Variants in ADAMTS17 observed in about 807,000 individuals in gnomAD.
ADAMTS17 encodes the protein A disintegrin and metalloproteinase with thrombospondin motifs 17.
A neutral mutation model predicts 141.5 loss-of-function variants in ADAMTS17; 113 were observed. The observed-to-expected ratio is 0.80, with a 90% CI of 0.69 to 0.93. The LOEUF (loss-of-function observed/expected upper bound fraction) is 0.93. Among genes scored for constraint, ADAMTS17 ranks in the 40% least tolerant of loss-of-function variants. The probability of loss-of-function intolerance (pLI) is 0.00; values close to 1 mark genes in which losing one functional copy is unlikely to be tolerated. For missense variants in ADAMTS17, 1,659 were observed against 1,517.9 expected, an observed-to-expected ratio of 1.09 and a Z score of -1.54; for synonymous variants, 768 against 630.6, an observed-to-expected ratio of 1.22 and a Z score of -3.27.
chr15:100,146,470 T>C (rs895000651), intron 10 of ADAMTS17, among the ~76,000 whole-genome samples: 1 of 152,246 alleles, frequency 6.6e-6, no homozygotes, highest in Non-Finnish European at 1.5e-5. Flanking sequence ...TTTACTTTAA[T>C]CTCTTAATCC....
At chr15:100,148,189 G>T (rs1484429761) in intron 10 of ADAMTS17, among the ~76,000 whole-genome samples, 2 of 152,204 alleles carry the variant, frequency 1.3e-5, no homozygotes, top group Non-Finnish European at 2.9e-5. Context: ...ATTCATAGGT[G>T]CTGAGGATAG....
intron 17 of ADAMTS17, 88 bp downstream of exon 17, chr15:100,051,483 TC>T: frequency 6.4e-7 from 1 of 1,569,278 alleles, no homozygotes; most frequent in Non-Finnish European, 8.7e-7. Flanking sequence ...GTTGCAGATG[TC>T]TCACACTCTG....
At chr15:100,150,865 C>T (rs1333685343) in intron 10 of ADAMTS17, among the ~76,000 whole-genome samples, 1 of 152,158 alleles carries the variant, frequency 6.6e-6, no homozygotes, top group African/African-American at 2.4e-5. Context: ...GTATCCCAAC[C>T]ACACAATCTC....
intron 8 of ADAMTS17, among the ~76,000 whole-genome samples, chr15:100,198,076 G>T (rs762880838): frequency 6.6e-6 from 1 of 152,138 alleles, no homozygotes; most frequent in South Asian, 2.1e-4. Context: ...TAATGTAGGC[G>T]ACAGGTTGAT....
At position 100,132,144 on chromosome 15, in the gene ADAMTS17, G is replaced by A. The variant is rs754832406; in HGVS notation, c.1584C>T (p.Arg528=). ...GCGTCTTGCTCACGCACTCCCCCGC[G>A]CGGCACCACTGAAACACAGCGGGGA... ...GTECGADKWC[R]AGECVSKTPI... is the part of the protein sequence containing the mutation. The change falls in exon 12 of 22, where the codon CGC becomes CGT. Residue 528 remains arginine, a synonymous_variant. Coordinates refer to ENST00000268070, the MANE Select transcript of ADAMTS17 (RefSeq NM_139057.4). 338 of 1,613,418 alleles carry A rather than the reference G, an allele frequency of 2.1e-4. No homozygotes were observed. The highest frequency in any genetic ancestry group is 3.3e-4 in the Middle Eastern group (2 of 6,076).
At position 100,262,518 on chromosome 15, in the gene ADAMTS17, C is replaced by T. The variant is rs1250887149; in HGVS notation, c.790-83G>A. On this transcript the variant is annotated intron_variant, in intron 4 of 21. Transcript: ENST00000268070. ...TAGTATCCTAGATGGGAACTTGGGACACAGAAAAGAGATTATGTAAAAATA... is the reference window on the plus strand; with the variant it reads ...TAGTATCCTAGATGGGAACTTGGGATACAGAAAAGAGATTATGTAAAAATA... The T allele has an allele frequency of 1.0e-5, 10 of 994,104 alleles. No individual in the cohort carries two copies. In the East Asian group the frequency reaches 2.7e-4, roughly 27 times the overall value. The allele number at this position is 994,104 out of a possible 1,614,324, so 61.6% of individuals were successfully genotyped here.
intron 13 of ADAMTS17, among the ~76,000 whole-genome samples, chr15:100,111,386 G>T (rs1042268223): frequency 7.9e-5 from 12 of 152,240 alleles, no homozygotes; most frequent in African/African-American, 2.9e-4. Context: ...CACTTGCAGG[G>T]AAGGACCTCA....
At chr15:100,125,074 C>T (rs2037661225) in intron 12 of ADAMTS17, among the ~76,000 whole-genome samples, 1 of 152,150 alleles carries the variant, frequency 6.6e-6, no homozygotes, top group African/African-American at 2.4e-5. Context: ...CAGTTCGGAC[C>T]AGCTTCACCA....
At chr15:100,182,466 T>C (rs1230893123) in intron 8 of ADAMTS17, among the ~76,000 whole-genome samples, 3 of 152,162 alleles carry the variant, frequency 2.0e-5, no homozygotes, top group Non-Finnish European at 4.4e-5. Context: ...ATGCAAAGTC[T>C]CACACTCGTT....
At chr15:100,226,136 G>A (rs553488235) in intron 7 of ADAMTS17, among the ~76,000 whole-genome samples, 5 of 151,522 alleles carry the variant, frequency 3.3e-5, no homozygotes, top group African/African-American at 7.3e-5. Context: ...CAGCAGTCAC[G>A]GCCTCTGTGC....
intron 4 of ADAMTS17, among the ~76,000 whole-genome samples, chr15:100,268,788 T>C (rs1279486292): frequency 6.6e-6 from 1 of 152,156 alleles, no homozygotes; most frequent in Non-Finnish European, 1.5e-5. Flanking sequence ...ATTCTAAACT[T>C]CATATAGAAC....
At chr15:100,340,569 A>T (rs889776644) in intron 2 of ADAMTS17, among the ~76,000 whole-genome samples, 2 of 152,092 alleles carry the variant, frequency 1.3e-5, no homozygotes, top group Non-Finnish European at 1.5e-5. Context: ...CAGAGAGAAG[A>T]CTCAAAAGGA....
chr15:100,079,293 C>T (rs575029768), intron 15 of ADAMTS17, among the ~76,000 whole-genome samples: 4 of 152,248 alleles, frequency 2.6e-5, no homozygotes, highest in African/African-American at 9.6e-5. Context: ...AAAGTGGAAA[C>T]AATCCAAATA....
rs1005514089 is a variant in ADAMTS17, at chr15:99,997,183, G to A, written c.2796+202C>T. Among the ~76,000 whole-genome samples, 8 of 152,258 alleles carry A rather than the reference G, an allele frequency of 5.3e-5. No individual in the cohort carries two copies. Among genetic ancestry groups the A allele is most frequent in the Non-Finnish European group, 5.9e-5 (4 of 68,054 alleles). Reference sequence around the variant, plus strand: ...CAGTCCTTCACTGTGGTGTTGACATGTACATCATCAGAGACATGGTATCTA... The same window carrying A: ...CAGTCCTTCACTGTGGTGTTGACATATACATCATCAGAGACATGGTATCTA... On this transcript the variant is annotated intron_variant, in intron 19 of 21. Coordinates refer to ENST00000268070, the MANE Select transcript of ADAMTS17 (RefSeq NM_139057.4). The surrounding 1 kb of genome is among the most constrained non-coding windows in gnomAD (Gnocchi z 4.7).
chr15:100,305,112 T>C (rs1014840168), intron 3 of ADAMTS17, among the ~76,000 whole-genome samples: 1 of 152,190 alleles, frequency 6.6e-6, no homozygotes, highest in Non-Finnish European at 1.5e-5. Flanking sequence ...CAACTGCATG[T>C]TGTGGTGCAG....
chr15:100,003,371 T>C (rs28635807), intron 18 of ADAMTS17, among the ~76,000 whole-genome samples: 3,955 of 152,060 alleles, frequency 0.026, 232 homozygotes, highest in African/African-American at 0.091. Flanking sequence ...AACACGGGGC[T>C]GTGGGGGCCC....
chr15:100,047,857 G>A (rs2031832041), intron 18 of ADAMTS17, among the ~76,000 whole-genome samples: 1 of 152,168 alleles, frequency 6.6e-6, no homozygotes, highest in South Asian at 2.1e-4. Context: ...ATACCGAGGT[G>A]CTCAAGCAGA....
rs112962326 is a variant in ADAMTS17, at chr15:100,019,064, G to C, written c.2592-21475C>G. Among the ~76,000 whole-genome samples, 248 of 152,272 alleles carry C rather than the reference G, an allele frequency of 1.6e-3. 1 individual carries two copies. The highest frequency in any genetic ancestry group is 5.7e-3 in the African/African-American group (235 of 41,544). On this transcript the variant is annotated intron_variant, in intron 18 of 21. Coordinates refer to ENST00000268070, the MANE Select transcript of ADAMTS17 (RefSeq NM_139057.4). ...AAACCTCAAATGGCAATCCACCTACGTGTCCATCGATGGCAGAATGAATAA... is the reference window on the plus strand; with the variant it reads ...AAACCTCAAATGGCAATCCACCTACCTGTCCATCGATGGCAGAATGAATAA...
At chr15:100,294,482 C>G (rs576376180) in intron 3 of ADAMTS17, among the ~76,000 whole-genome samples, 1 of 151,994 alleles carries the variant, frequency 6.6e-6, no homozygotes, top group Non-Finnish European at 1.5e-5. Flanking sequence ...TACCTGTAAC[C>G]CCAGAGCTAT....
Sources: gnomAD v4.1 joint callset for allele counts (sites outside exome capture counted in the v4.1 genomes callset) on GRCh38, gnomAD v4.1.1 for gene constraint, Gnocchi (gnomAD v3.1) non-coding constraint, MANE v1.5 for transcripts, NCBI Gene and HGNC (gene_info 2026-07-23, HGNC 2026-07-21) for gene names.